Variants in CYBRD1 observed in about 807,000 individuals in gnomAD.
CYBRD1 encodes the protein cytochrome b reductase 1, also known as plasma membrane ascorbate-dependent reductase CYBRD1.
CYBRD1 carries 14 observed loss-of-function variants against 21.9 expected under a neutral mutation model. The observed-to-expected ratio is 0.64, with a 90% CI of 0.42 to 1.00. The LOEUF is 1.00. CYBRD1 is among the 50% of genes least tolerant of loss of function. CYBRD1 has a pLI of 0.00. For synonymous variants in CYBRD1, 146 were observed against 136.5 expected (o/e 1.07, Z -0.48); for missense variants, 328 against 352.5 (o/e 0.93, Z 0.56).
chr2:171,543,057 T>C (rs1697659732), intron 2 of CYBRD1, among the ~76,000 whole-genome samples: 2 of 151,298 alleles, frequency 1.3e-5, no homozygotes, highest in South Asian at 4.2e-4. Flanking sequence ...TCAATAAAGG[T>C]AAAAAAAAAT....
intron 1 of CYBRD1, among the ~76,000 whole-genome samples, chr2:171,530,289 A>C (rs1371985398): frequency 6.6e-6 from 1 of 152,224 alleles, no homozygotes; most frequent in Non-Finnish European, 1.5e-5. Flanking sequence ...TGGTAGCTCT[A>C]GGGGATTAAT....
chr2:171,526,483 G>C (rs1008210555), intron 1 of CYBRD1, among the ~76,000 whole-genome samples: 7 of 149,208 alleles, frequency 4.7e-5, no homozygotes, highest in South Asian at 2.1e-4. Flanking sequence ...GTATATTTTG[G>C]AATATGTATA....
chr2:171,530,004 T>C (rs1697440736), intron 1 of CYBRD1, among the ~76,000 whole-genome samples: 1 of 152,138 alleles, frequency 6.6e-6, no homozygotes, highest in African/African-American at 2.4e-5. Flanking sequence ...AATCCTATGA[T>C]TGGTGCCCTT....
At chr2:171,536,133 C>CTT (rs71013042) in intron 1 of CYBRD1, among the ~76,000 whole-genome samples, 62,025 of 110,220 alleles carry the variant, frequency 0.56, 19,623 homozygotes, top group East Asian at 0.85. Flanking sequence ...GATAGTTACT[C>CTT]TTTTTTTTTT....
At chr2:171,531,154 C>A (rs1176252729) in intron 1 of CYBRD1, among the ~76,000 whole-genome samples, 594 of 114,522 alleles carry the variant, frequency 5.2e-3, no homozygotes, top group Non-Finnish European at 5.6e-3. Flanking sequence ...GACCCTGTCT[C>A]AAAAAAAAAA....
intron 1 of CYBRD1, chr2:171,523,333 G>C (rs1239229252): frequency 2.8e-6 from 1 of 362,214 alleles, no homozygotes; most frequent in African/African-American, 2.3e-5. Flanking sequence ...TGGCCAAGGG[G>C]GGCGAGTGAA....
In CYBRD1 at chr2:171,554,600, G is replaced by A. The variant is rs752189634; in HGVS notation, c.634G>A (p.Gly212Arg). 9.3e-6 allele frequency: 15 copies of A among 1,613,930 alleles called. No homozygotes were observed. The Admixed American group carries it at 1.2e-4, about 13-fold the overall frequency. ...GCTTGGCCTTCTGATCCTGGTGTTC[G>A]GGGCCCTCATTTTTTGGATAGTCAC... The part of the protein sequence containing the change: ...NTLGLLILVF[G>R]ALIFWIVTRP... The change falls in exon 4 of 4, where the codon GGG becomes AGG. Residue 212 changes from glycine to arginine, a missense_variant. Physicochemically the swap from Gly to Arg is moderately radical, Grantham distance 125. Coordinates refer to ENST00000321348, the MANE Select transcript of CYBRD1 (RefSeq NM_024843.4).
intron 2 of CYBRD1, among the ~76,000 whole-genome samples, chr2:171,552,482 G>A (rs1372605747): frequency 6.6e-6 from 1 of 152,124 alleles, no homozygotes; most frequent in Non-Finnish European, 1.5e-5. Flanking sequence ...GAACAGTGAT[G>A]TTAGTGCTTT....
Position 171,538,795 on chromosome 2 carries a change from GTGTT to G in CYBRD1, c.194-2776_194-2773del, listed in dbSNP as rs200194058. Among the ~76,000 whole-genome samples the G allele has an allele frequency of 9.0e-3, 1,366 of 152,080 alleles. 21 individuals are homozygous for G. The highest frequency in any genetic ancestry group is 0.028 in the African/African-American group (1,143 of 41,492). The stretch of plus-strand genomic sequence containing the variant: ...TTTTATAATCCTATGAAGTTCTTGG[GTGTT>G]TGTTTGTTTGTTTTTTGAGACAGAG... On this transcript the variant is annotated intron_variant, in intron 1 of 3. Coordinates refer to ENST00000321348, the MANE Select transcript of CYBRD1 (RefSeq NM_024843.4).
At chr2:171,537,517 G>A (rs1011732048) in intron 1 of CYBRD1, among the ~76,000 whole-genome samples, 4 of 152,120 alleles carry the variant, frequency 2.6e-5, no homozygotes, top group Non-Finnish European at 4.4e-5. Context: ...ATACACACAA[G>A]TAACCTAGTG....
At chr2:171,529,395 G>T (rs991267155) in intron 1 of CYBRD1, among the ~76,000 whole-genome samples, 1 of 152,028 alleles carries the variant, frequency 6.6e-6, no homozygotes, top group African/African-American at 2.4e-5. Context: ...GCCGGGCAGG[G>T]TGGTGCATAC....
chr2:171,523,699 G>T (rs1332932229), intron 1 of CYBRD1, among the ~76,000 whole-genome samples: 1 of 147,058 alleles, frequency 6.8e-6, no homozygotes, highest in Non-Finnish European at 1.5e-5. Context: ...CTCAGCAGTC[G>T]CTGGCAATGT....
rs188603535 is a variant in CYBRD1, at chr2:171,536,039, G to A, written c.194-5546G>A. 1.2e-3 allele frequency among the ~76,000 whole-genome samples: 186 copies of A among 151,922 alleles called. 3 individuals are homozygous for A. Among genetic ancestry groups the A allele is most frequent in the East Asian group, 0.011 (56 of 5,158 alleles). ...GTGTGTTTATCACATGCACACATCC[G>A]GGTACCCAGAACAAGAAGCAATATT... On this transcript the variant is annotated intron_variant, in intron 1 of 3. Coordinates refer to ENST00000321348, the MANE Select transcript of CYBRD1 (RefSeq NM_024843.4).
rs115052792 is a variant in CYBRD1 at position 171,527,156 on chromosome 2, T to C, written c.193+4418T>C. On this transcript the variant is annotated intron_variant, in intron 1 of 3. Transcript: ENST00000321348. ...CTTCAGGGACACCATTGATAATAAA[T>C]CCTATCAATATTAGCGATACAAGGG... 1.1e-3 allele frequency among the ~76,000 whole-genome samples: 163 copies of C among 152,158 alleles called. 3 individuals are homozygous for C. The highest frequency in any genetic ancestry group is 9.4e-3 in the East Asian group (49 of 5,186).
intron 1 of CYBRD1, among the ~76,000 whole-genome samples, chr2:171,529,107 G>C (rs1270006376): frequency 6.6e-6 from 1 of 152,182 alleles, no homozygotes; most frequent in Non-Finnish European, 1.5e-5. Context: ...CTAAATTGAT[G>C]GAAGTTTGGC....
chr2:171,522,303 A>T, upstream of CYBRD1: 3 of 1,540,566 alleles, frequency 1.9e-6, no homozygotes, highest in Middle Eastern at 3.4e-4. The surrounding 1 kb of genome is among the most constrained non-coding windows in gnomAD (Gnocchi z 4.3). Flanking sequence ...TGAGGCCACC[A>T]GGCAATGAGC....
chr2:171,522,276 C>T (rs367717660), upstream of CYBRD1: 103 of 1,548,998 alleles, frequency 6.6e-5, no homozygotes, highest in South Asian at 1.2e-3. This position sits in a 1 kb window ranked among gnomAD's most constrained non-coding sequence, Gnocchi z 4.3. Context: ...AGCTTGGATG[C>T]TGGACGAGGG....
At chr2:171,523,868 G>A (rs776602748) in intron 1 of CYBRD1, among the ~76,000 whole-genome samples, 23 of 152,310 alleles carry the variant, frequency 1.5e-4, no homozygotes, top group Non-Finnish European at 2.9e-4. Flanking sequence ...GGCAGCAAGG[G>A]GTGGAGTGGT....
chr2:171,532,452 T>C (rs777941896), intron 1 of CYBRD1, among the ~76,000 whole-genome samples: 2 of 152,232 alleles, frequency 1.3e-5, no homozygotes, highest in Non-Finnish European at 1.5e-5. Context: ...CATTTGGTCT[T>C]CTATTAGCTA....
Sources: allele counts gnomAD v4.1 joint callset (sites outside exome capture counted in the v4.1 genomes callset), GRCh38; gene constraint gnomAD v4.1.1; non-coding constraint Gnocchi (gnomAD v3.1); transcripts MANE v1.5; gene names NCBI Gene and HGNC (gene_info 2026-07-23, HGNC 2026-07-21).